OTOA: variants seen among roughly 807,000 people sequenced by gnomAD.
OTOA encodes otoancorin.
Under a neutral mutation model 110.8 loss-of-function variants are expected in OTOA, and 70 were observed. The ratio of observed to expected loss-of-function variants is 0.63; its 90% CI spans 0.52 to 0.77. OTOA has a LOEUF of 0.77. OTOA is among the 30% of genes least tolerant of loss of function. OTOA has a pLI of 0.00. For missense variants in OTOA, 917 were observed against 1,075.8 expected (o/e 0.85, Z 2.06); for synonymous variants, 373 against 431.5 (o/e 0.86, Z 1.68).
chr16:21,756,433 AT>A (rs1283755460), intron 27 of OTOA, among the ~76,000 whole-genome samples: 1 of 152,060 alleles, frequency 6.6e-6, no homozygotes, highest in African/African-American at 2.4e-5. Flanking sequence ...TCTCACATTT[AT>A]CCCCAAAGCC....
rs776958501 is a variant in OTOA, at chr16:21,685,346, CAAG to C, written c.388_390del (p.Lys130del). 5.6e-6 allele frequency: 9 copies of C among 1,611,950 alleles called. No homozygotes were observed. Among genetic ancestry groups the C allele is most frequent in the African/African-American group, 5.3e-5 (4 of 74,854 alleles). ...CTGCCATGAAATGCCTCTTAGAAGA[CAAG>C]AAGGACGGCTTGGTGAGGAGCCCTT... On this transcript the variant is annotated inframe_deletion, in exon 7 of 29. Transcript: ENST00000646100.
intron 12 of OTOA, among the ~76,000 whole-genome samples, chr16:21,706,531 A>G (rs1898173331): frequency 6.6e-6 from 1 of 152,132 alleles, no homozygotes; most frequent in Admixed American, 6.6e-5. Flanking sequence ...ACTGGATTGC[A>G]GGGTGGTTAT....
Position 21,681,742 on chromosome 16 carries a change from C to T in OTOA, c.184C>T (p.His62Tyr), listed in dbSNP as rs1248321272. The change falls in exon 6 of 29, where the codon CAC becomes TAC. Residue 62 changes from histidine (H) to tyrosine (Y), a missense_variant. By Grantham distance (83) the His-to-Tyr change is moderately conservative. Coordinates refer to ENST00000646100, the MANE Select transcript of OTOA (RefSeq NM_144672.4). ...CCTGTCTGTCTTCAACTGAAGCTCC[C>T]ACGTGTGGACGGATGACCTGTCCCA... is the stretch of plus-strand genomic sequence containing the variant. ...LLDLIQFQSS[H>Y]VWTDDLSHRV... The T allele has an allele frequency of 2.5e-6, 4 of 1,613,502 alleles. No individual in the cohort carries two copies. In the African/African-American group the frequency reaches 4.0e-5, roughly 16 times the overall value.
chr16:21,759,706 G>C (rs971591482), intron 28 of OTOA, among the ~76,000 whole-genome samples: 1 of 152,010 alleles, frequency 6.6e-6, no homozygotes. Context: ...TTTGAGATGA[G>C]CCTGGCCAAT....
chr16:21,671,976 A>G (rs998776116), intron 1 of OTOA, among the ~76,000 whole-genome samples: 1 of 152,028 alleles, frequency 6.6e-6, no homozygotes, highest in East Asian at 1.9e-4. Flanking sequence ...TACAAAAAAA[A>G]TTTTTCCATC....
intron 11 of OTOA, chr16:21,704,820 T>A: frequency 2.8e-6 from 2 of 720,036 alleles, no homozygotes; most frequent in Admixed American, 1.8e-5. Flanking sequence ...AGGCGGAGGG[T>A]AATGAGACTT....
intron 13 of OTOA, among the ~76,000 whole-genome samples, chr16:21,711,776 C>A (rs1040942294): frequency 6.6e-6 from 1 of 152,076 alleles, no homozygotes; most frequent in East Asian, 1.9e-4. Flanking sequence ...TTTTGGTGTC[C>A]TTCTCGTTTA....
chr16:21,701,191 T>A, intron 11 of OTOA, 164 bp downstream of exon 11: 1 of 999,054 alleles, frequency 1.0e-6, no homozygotes, highest in East Asian at 2.6e-5. Flanking sequence ...TGTCTGCAAC[T>A]TTTTTTATGA....
Position 21,728,356 on chromosome 16 carries a change from A to ACGG in OTOA, c.2134_2136dup (p.Gly712dup), listed in dbSNP as rs749563696. ...CCCAGGGCTTGGGCGACTGCTCTAC[A>ACGG]CGGCCTCAGAGACTGCCCAGACCTC... On this transcript the variant is annotated inframe_insertion, in exon 20 of 29. Coordinates refer to ENST00000646100, the MANE Select transcript of OTOA (RefSeq NM_144672.4). The ACGG allele has an allele frequency of 6.2e-7, 1 of 1,613,924 alleles. No individual in the cohort carries two copies. Among genetic ancestry groups the ACGG allele is most frequent in the African/African-American group, 1.3e-5 (1 of 74,874 alleles).
chr16:21,710,569 C>A (rs1161738336), intron 13 of OTOA, among the ~76,000 whole-genome samples: 1 of 152,178 alleles, frequency 6.6e-6, no homozygotes, highest in Non-Finnish European at 1.5e-5. Context: ...CAGCAGGGGG[C>A]AACCAATCAG....
In OTOA at chr16:21,697,793, T is replaced by C. The variant is rs919831242; in HGVS notation, c.758T>C (p.Val253Ala). Residue 253 changes from valine (V) to alanine (A), a missense_variant, in exon 10 of 29, where the codon GTC (valine) becomes GCC (alanine). Around this residue, in one of 6 missense-constraint regions of OTOA, gnomAD observed 840 missense variants for 910.2 expected, o/e 0.92. Transcript: ENST00000646100. The part of the protein sequence containing the change: ...SNATDDSASW[V>A]SAEHLWVLGR... ...TTTGTAGATGACTCTGCTTCATGGGTCAGTGCGGAACACTTATGGGTTTTG... is the reference window on the plus strand; with the variant it reads ...TTTGTAGATGACTCTGCTTCATGGGCCAGTGCGGAACACTTATGGGTTTTG... The C allele has an allele frequency of 6.2e-7, 1 of 1,614,038 alleles. No individual in the cohort carries two copies. The highest frequency in any genetic ancestry group is 8.5e-7 in the Non-Finnish European group (1 of 1,180,008).
chr16:21,675,050 A>T (rs1312729290), intron 1 of OTOA, among the ~76,000 whole-genome samples: 11 of 143,252 alleles, frequency 7.7e-5, no homozygotes, highest in African/African-American at 2.8e-4. Context: ...TCATGAGGTC[A>T]TGTTTTCTTT....
At chr16:21,735,891 G>A (rs1464129468) in intron 21 of OTOA, among the ~76,000 whole-genome samples, 3 of 152,044 alleles carry the variant, frequency 2.0e-5, no homozygotes, top group African/African-American at 4.8e-5. Context: ...ACCACACCTC[G>A]CCTAACCTAC....
chr16:21,715,068 G>T lies in OTOA; in HGVS notation c.1404G>T (p.Lys468Asn), dbSNP rs560052632. Residue 468 changes from lysine (K) to asparagine (N), a missense_variant, in exon 14 of 29, where the codon AAG becomes AAT. Lys to Asn is a moderately conservative substitution (Grantham distance 94). Coordinates refer to ENST00000646100, the MANE Select transcript of OTOA (RefSeq NM_144672.4). ...STQAFCSMKR[K>N]DISQVLRSAV... ...AGGCCTTCTGCAGCATGAAACGCAA[G>T]GACATCTCGCAGGTCCTGAGAAGTG... 13 of 1,614,198 alleles carry T rather than the reference G, an allele frequency of 8.1e-6. No homozygotes were observed. In the Admixed American group the frequency reaches 1.3e-4, roughly 17 times the overall value.
At chr16:21,699,354 T>TCTCAAAATATA (rs1363085640) in intron 10 of OTOA, among the ~76,000 whole-genome samples, 2 of 152,178 alleles carry the variant, frequency 1.3e-5, no homozygotes, top group Non-Finnish European at 2.9e-5. Flanking sequence ...ATATAGAATG[T>TCTCAAAATATA]GCCGGCTGCC....
At chr16:21,734,744 G>A (rs889174324) in intron 21 of OTOA, among the ~76,000 whole-genome samples, 2 of 152,052 alleles carry the variant, frequency 1.3e-5, no homozygotes, top group African/African-American at 2.4e-5. Flanking sequence ...GGCTGAGGTA[G>A]GAGAACGGCG....
intron 1 of OTOA, among the ~76,000 whole-genome samples, chr16:21,671,051 A>G (rs1966848359): frequency 6.6e-6 from 1 of 152,072 alleles, no homozygotes; most frequent in South Asian, 2.1e-4. Context: ...GGTAATGGGG[A>G]GAGGCGGAGG....
intron 13 of OTOA, among the ~76,000 whole-genome samples, chr16:21,714,215 TTC>T (rs917575539): frequency 7.9e-5 from 12 of 151,668 alleles, no homozygotes; most frequent in East Asian, 1.9e-4. Flanking sequence ...TTCTCTTTCT[TTC>T]TCTCTCTCTC....
In OTOA at chr16:21,700,956, G is replaced by A. The variant is rs1299282116; in HGVS notation, c.909G>A (p.Glu303=). ...ACATGGTCTATGACATCACACCTGA[G>A]CTGGCCCAGGCGTTTCTGGAGAGGA... The part of the protein sequence containing the change: ...QLDMVYDITP[E]LAQAFLERIS... Residue 303 remains glutamate (E), a synonymous_variant, in exon 11 of 29, where the codon GAG becomes GAA. Transcript: ENST00000646100. The A allele has an allele frequency of 3.1e-6, 5 of 1,613,956 alleles. No individual in the cohort carries two copies. Among genetic ancestry groups the A allele is most frequent in the Non-Finnish European group, 4.2e-6 (5 of 1,180,030 alleles).
Sources: gnomAD v4.1 joint callset for allele counts (sites outside exome capture counted in the v4.1 genomes callset) on GRCh38, gnomAD v4.1.1 for gene constraint, gnomAD v4.1.1 regional missense constraint, MANE v1.5 for transcripts, NCBI Gene and HGNC (gene_info 2026-07-23, HGNC 2026-07-21) for gene names.